Variants in RNFT2 observed in about 807,000 individuals in gnomAD.
The protein encoded by RNFT2 is E3 ubiquitin-protein ligase RNFT2.
Under a neutral mutation model 53.0 loss-of-function variants are expected in RNFT2, and 36 were observed. The ratio of observed to expected loss-of-function variants is 0.68; its 90% CI spans 0.52 to 0.90. The LOEUF (loss-of-function observed/expected upper bound fraction) is 0.90, where lower values mean the gene tolerates loss of function less well. RNFT2 is among the 40% of genes least tolerant of loss of function. RNFT2 has a pLI of 0.00. For synonymous variants in RNFT2, 260 were observed against 253.2 expected, an observed-to-expected ratio of 1.03 and a Z score of -0.26; for missense variants, 514 against 585.6, an observed-to-expected ratio of 0.88 and a Z score of 1.26.
chr12:116,740,275 T>C, intron 1 of RNFT2, 70 bp from the exon 2 acceptor site: 2 of 519,778 alleles, frequency 3.8e-6, no homozygotes, highest in Middle Eastern at 5.4e-4. Flanking sequence ...CTACCAACAA[T>C]GTCCTAAGGC....
intron 7 of RNFT2, among the ~76,000 whole-genome samples, chr12:116,804,265 T>C (rs1874941323): frequency 6.6e-6 from 1 of 152,220 alleles, no homozygotes; most frequent in Non-Finnish European, 1.5e-5. Context: ...CCTGGACCAG[T>C]AGCATGAGCA....
At chr12:116,747,764 C>T (rs76575304) in intron 3 of RNFT2, among the ~76,000 whole-genome samples, 1,754 of 152,180 alleles carry the variant, frequency 0.012, 14 homozygotes, top group Non-Finnish European at 0.018. Flanking sequence ...TGTGGAGGTG[C>T]CTGCAGGGTG....
At chr12:116,836,424 A>G (rs1876975232) in intron 10 of RNFT2, 142 bp downstream of exon 10, 1 of 672,570 alleles carries the variant, frequency 1.5e-6, no homozygotes. Flanking sequence ...CCTGGGTTCC[A>G]ATCTCACCTC....
intron 7 of RNFT2, among the ~76,000 whole-genome samples, chr12:116,791,083 C>T (rs1413780147): frequency 6.6e-6 from 1 of 152,234 alleles, no homozygotes; most frequent in Non-Finnish European, 1.5e-5. Flanking sequence ...AAGACATTCT[C>T]ATCACACCAG....
rs531616421 is a variant in RNFT2 at position 116,769,774 on chromosome 12, G to A, written c.728+2860G>A. Among the ~76,000 whole-genome samples the A allele has an allele frequency of 3.9e-4, 60 of 152,272 alleles. 1 individual carries two copies. The South Asian group carries it at 0.012, about 31-fold the overall frequency. ...CGGCCGGGCATGGTGGCTCATGCCTGTAATCCCAGCACTTTGGGAGGCCAA... is the reference window on the plus strand; with the variant it reads ...CGGCCGGGCATGGTGGCTCATGCCTATAATCCCAGCACTTTGGGAGGCCAA... On this transcript the variant is annotated intron_variant, in intron 6 of 10. Transcript: ENST00000257575.
chr12:116,784,048 G>C (rs1873823597), intron 7 of RNFT2, among the ~76,000 whole-genome samples: 1 of 152,182 alleles, frequency 6.6e-6, no homozygotes. Context: ...TCAGTGACTT[G>C]TCCAAGGCCA....
intron 8 of RNFT2, 100 bp from the exon 9 acceptor site, chr12:116,835,860 C>CA (rs1876932145): frequency 6.3e-6 from 8 of 1,279,130 alleles, no homozygotes; most frequent in African/African-American, 2.9e-5. Context: ...TGTTCTGAGT[C>CA]AAAAATGGGT....
intron 7 of RNFT2, among the ~76,000 whole-genome samples, chr12:116,820,417 T>G (rs1875949846): frequency 6.6e-6 from 1 of 152,206 alleles, no homozygotes; most frequent in African/African-American, 2.4e-5. Context: ...TACATCTCAA[T>G]TCAGAATAGC....
intron 10 of RNFT2, among the ~76,000 whole-genome samples, chr12:116,837,097 C>T (rs1330910382): frequency 2.0e-5 from 3 of 152,108 alleles, no homozygotes; most frequent in South Asian, 4.1e-4. Flanking sequence ...TTTTATTAGT[C>T]GTGGGTCACC....
chr12:116,848,869 G>A (rs1415433604), intron 10 of RNFT2, among the ~76,000 whole-genome samples: 1 of 151,964 alleles, frequency 6.6e-6, no homozygotes, highest in Non-Finnish European at 1.5e-5. Flanking sequence ...ACCTAGGCTG[G>A]AGTGCAGTGG....
intron 6 of RNFT2, among the ~76,000 whole-genome samples, chr12:116,772,148 G>A (rs2137107440): frequency 6.6e-6 from 1 of 152,258 alleles, no homozygotes; most frequent in African/African-American, 2.4e-5. Context: ...CTGGAAGGTA[G>A]TGGTGCCATC....
At chr12:116,761,211 T>C (rs1464751006) in intron 5 of RNFT2, among the ~76,000 whole-genome samples, 2 of 152,178 alleles carry the variant, frequency 1.3e-5, no homozygotes, top group Non-Finnish European at 2.9e-5. Flanking sequence ...TGCAGTGGCA[T>C]GATCTTGGCG....
intron 8 of RNFT2, 127 bp downstream of exon 8, chr12:116,834,068 G>A (rs1876832320): frequency 5.5e-6 from 4 of 733,912 alleles, no homozygotes; most frequent in Non-Finnish European, 1.9e-6. Context: ...TTAATTGAGG[G>A]AAAATTCATA....
At chr12:116,785,142 C>T (rs1467012314) in intron 7 of RNFT2, among the ~76,000 whole-genome samples, 1 of 152,012 alleles carries the variant, frequency 6.6e-6, no homozygotes, top group African/African-American at 2.4e-5. Context: ...GCCCTTCAGA[C>T]CCCCAGAGAT....
In RNFT2 at chr12:116,797,760, T is replaced by G. The variant is rs1004462628; in HGVS notation, c.882+18412T>G. ...ACTCCTGCAGAGCAGGGCTGCCCCA[T>G]AGGCAGAGAGTAGCACCTCAGGGCA... On this transcript the variant is annotated intron_variant, in intron 7 of 10. Coordinates refer to ENST00000257575, the MANE Select transcript of RNFT2 (RefSeq NM_001382266.1). 3.1e-4 allele frequency among the ~76,000 whole-genome samples: 47 copies of G among 152,182 alleles called. 1 individual carries two copies. Among genetic ancestry groups the G allele is most frequent in the Non-Finnish European group, 6.0e-4 (41 of 68,038 alleles).
rs780715226 is a variant in RNFT2, at chr12:116,851,826, G to A, written c.*2378G>A. 12 of 1,227,574 alleles carry A rather than the reference G, an allele frequency of 9.8e-6. No homozygotes were observed. In the African/African-American group the frequency reaches 1.5e-4, roughly 15 times the overall value. The allele number at this position is 1,227,574 out of a possible 1,614,324, so 76.0% of individuals were successfully genotyped here. ...AAGAAAGGTCAGCTTTGGCCCAGAT[G>A]TGGTTACCCCTTGGTCTCCTGTCTT... On this transcript the variant is annotated 3_prime_UTR_variant, in exon 11 of 11. Coordinates refer to ENST00000257575, the MANE Select transcript of RNFT2 (RefSeq NM_001382266.1).
At chr12:116,774,490 G>A (rs1024842677) in intron 6 of RNFT2, among the ~76,000 whole-genome samples, 5 of 152,174 alleles carry the variant, frequency 3.3e-5, no homozygotes, top group South Asian at 2.1e-4. Flanking sequence ...TAATCAGAAC[G>A]TGATTGCTGT....
At position 116,849,624 on chromosome 12, in the gene RNFT2, C is replaced by T; in HGVS notation, c.*176C>T. 3 of 1,392,538 alleles carry T rather than the reference C, an allele frequency of 2.2e-6. No homozygotes were observed. The highest frequency in any genetic ancestry group is 2.8e-6 in the Non-Finnish European group (3 of 1,071,796). The allele number at this position is 1,392,538 out of a possible 1,614,324, so 86.3% of individuals were successfully genotyped here. A position where few individuals can be genotyped will look rare whatever the true frequency, so the allele number is the denominator to read the frequency against. On this transcript the variant is annotated 3_prime_UTR_variant, in exon 11 of 11. Coordinates refer to ENST00000257575, the MANE Select transcript of RNFT2 (RefSeq NM_001382266.1). The stretch of plus-strand genomic sequence containing the variant: ...GTCCTTCTGACCTTCATCTTCCTCT[C>T]TCGTTCTGTGGTATAGTGCGTGCCT...
At chr12:116,847,301 G>T (rs1877667460) in intron 10 of RNFT2, among the ~76,000 whole-genome samples, 1 of 152,038 alleles carries the variant, frequency 6.6e-6, no homozygotes, top group African/African-American at 2.4e-5. Context: ...TTTATAGCTG[G>T]CATTTTTTTT....
Sources: gnomAD v4.1 joint callset for allele counts (sites outside exome capture counted in the v4.1 genomes callset) on GRCh38, gnomAD v4.1.1 for gene constraint, MANE v1.5 for transcripts, NCBI Gene and HGNC (gene_info 2026-07-23, HGNC 2026-07-21) for gene names.